IMMT: variants seen among roughly 807,000 people sequenced by gnomAD.
IMMT encodes the protein inner membrane mitochondrial protein.
IMMT carries 40 observed loss-of-function variants against 92.7 expected under a neutral mutation model. The observed-to-expected ratio is 0.43, with a 90% confidence interval of 0.34 to 0.56. IMMT has a LOEUF of 0.56. Ranked by LOEUF, IMMT falls within the 20% of genes least tolerant of loss-of-function variation. The probability of loss-of-function intolerance (pLI) is 0.03; values close to 1 mark genes in which losing one functional copy is unlikely to be tolerated. For synonymous variants in IMMT, 322 were observed against 336.1 expected (o/e 0.96, Z 0.46); for missense variants, 831 against 912.1 (o/e 0.91, Z 1.14).
Position 86,151,449 on chromosome 2 carries a change from T to C in IMMT, c.1249A>G (p.Arg417Gly). ...GTGGCCTTCTGTTCTGCCAGCTCTCTGTTCAGCTGATCAATACGACGATGT... is the reference window on the plus strand; with the variant it reads ...GTGGCCTTCTGTTCTGCCAGCTCTCCGTTCAGCTGATCAATACGACGATGT... ...HAHRRIDQLN[R>G]ELAEQKATEK... The change falls in exon 12 of 15, where the codon AGA becomes GGA. Residue 417 changes from arginine (R) to glycine (G), a missense_variant. Transcript: ENST00000410111. 6.2e-7 allele frequency: 1 copy of C among 1,614,046 alleles called. No individual in the cohort carries two copies. Among genetic ancestry groups the C allele is most frequent in the Non-Finnish European group, 8.5e-7 (1 of 1,179,896 alleles).
At chr2:86,156,061 T>C (rs957823895) in intron 10 of IMMT, among the ~76,000 whole-genome samples, 29 of 152,204 alleles carry the variant, frequency 1.9e-4, no homozygotes, top group Admixed American at 6.5e-5. Context: ...CATGGCCCTT[T>C]CTTTAGCACA....
In IMMT at chr2:86,144,118, A is replaced by C. The variant is rs528241458; in HGVS notation, c.*150T>G. ...ACTGACATGATAGCAAATGGAAAGAATATAAATGCAACAGGTGTTAACATT... is the reference window on the plus strand; with the variant it reads ...ACTGACATGATAGCAAATGGAAAGACTATAAATGCAACAGGTGTTAACATT... On this transcript the variant is annotated 3_prime_UTR_variant, in exon 15 of 15. Coordinates refer to ENST00000410111, the MANE Select transcript of IMMT (RefSeq NM_006839.3). 1.0e-5 allele frequency: 8 copies of C among 797,008 alleles called. No homozygotes were observed. The highest frequency in any genetic ancestry group is 2.7e-5 in the East Asian group (1 of 37,212). The allele number at this position is 797,008 out of a possible 1,614,324, so 49.4% of individuals were successfully genotyped here.
At position 86,146,375 on chromosome 2, in the gene IMMT, AT is replaced by A. The variant is rs34573057; in HGVS notation, c.1534-179del. On this transcript the variant is annotated intron_variant, in intron 13 of 14. Coordinates refer to ENST00000410111, the MANE Select transcript of IMMT (RefSeq NM_006839.3). The stretch of plus-strand genomic sequence containing the variant: ...GACTCATATTTGATGTATATAATAT[AT>A]TTTTTTTTTTTTTGAGATGGAATCT... 7.8e-3 allele frequency among the ~76,000 whole-genome samples: 1,051 copies of A among 135,152 alleles called. 7 individuals are homozygous for A. The highest frequency in any genetic ancestry group is 0.013 in the African/African-American group (376 of 29,354). The allele number at this position is 135,152 out of a possible 152,430, so 88.7% of individuals were successfully genotyped here.
rs376714187 is a variant in IMMT at position 86,144,677 on chromosome 2, C to T, written c.1868G>A (p.Arg623His). The T allele has an allele frequency of 2.2e-5, 36 of 1,613,824 alleles. No individual in the cohort carries two copies. Among genetic ancestry groups the T allele is most frequent in the Middle Eastern group, 1.6e-4 (1 of 6,078 alleles). ...AAGGGTCTCTTCACTGTACACCCCACGGGTCAGGGACTCTGGAGGGATAGC... is the reference window on the plus strand; with the variant it reads ...AAGGGTCTCTTCACTGTACACCCCATGGGTCAGGGACTCTGGAGGGATAGC... ...TAAIPPESLTRGVYSEETLRA... is the reference protein window; with the variant it reads ...TAAIPPESLTHGVYSEETLRA... Residue 623 changes from arginine (R) to histidine (H), a missense_variant, in exon 15 of 15, where the codon CGT becomes CAT. Coordinates refer to ENST00000410111, the MANE Select transcript of IMMT (RefSeq NM_006839.3).
chr2:86,190,835 A>G (rs970023440), intron 1 of IMMT, among the ~76,000 whole-genome samples: 4 of 152,242 alleles, frequency 2.6e-5, no homozygotes, highest in Admixed American at 2.0e-4. Flanking sequence ...TAAAAATACA[A>G]AATATTAGCT....
chr2:86,147,324 T>G (rs1185376876), intron 13 of IMMT, among the ~76,000 whole-genome samples: 1 of 152,216 alleles, frequency 6.6e-6, no homozygotes, highest in Non-Finnish European at 1.5e-5. Context: ...GAATAGAAAC[T>G]ATGATTACAG....
At chr2:86,161,916 C>A in intron 8 of IMMT, 60 bp downstream of exon 8, 1 of 1,065,296 alleles carries the variant, frequency 9.4e-7, no homozygotes, top group Non-Finnish European at 1.4e-6. Flanking sequence ...CAAAGAAAAC[C>A]CGGCCCAAAG....
intron 1 of IMMT, among the ~76,000 whole-genome samples, chr2:86,193,455 G>C (rs1207692198): frequency 6.6e-6 from 1 of 151,596 alleles, no homozygotes; most frequent in Non-Finnish European, 1.5e-5. Flanking sequence ...AAAGGATCTT[G>C]ACAAGTGAGA....
chr2:86,157,954 T>G (rs1475123819), intron 10 of IMMT, among the ~76,000 whole-genome samples: 1 of 151,986 alleles, frequency 6.6e-6, no homozygotes, highest in Non-Finnish European at 1.5e-5. Flanking sequence ...AAAATAAAAA[T>G]AAAAATAAAC....
chr2:86,151,653 TTA>T, intron 11 of IMMT, 133 bp from the exon 12 acceptor site: 1 of 689,932 alleles, frequency 1.4e-6, no homozygotes, highest in Non-Finnish European at 2.4e-6. Flanking sequence ...GAAAAGAGAT[TTA>T]GATTCCCCAG....
At chr2:86,184,905 T>C (rs1399702816) in intron 1 of IMMT, among the ~76,000 whole-genome samples, 3 of 152,210 alleles carry the variant, frequency 2.0e-5, no homozygotes, top group Non-Finnish European at 2.9e-5. Context: ...GAGTTCCAAG[T>C]AGGCCAGGCG....
intron 10 of IMMT, among the ~76,000 whole-genome samples, chr2:86,155,463 T>A (rs1455034778): frequency 6.6e-6 from 1 of 152,210 alleles, no homozygotes; most frequent in African/African-American, 2.4e-5. Context: ...TTTTCATCTA[T>A]GTAATTGGGA....
intron 13 of IMMT, 45 bp downstream of exon 13, chr2:86,147,657 C>T: frequency 6.3e-7 from 1 of 1,576,410 alleles, no homozygotes; most frequent in Non-Finnish European, 8.6e-7. Context: ...GTCTCTTAAT[C>T]CTGTCAGGAA....
In IMMT at chr2:86,144,184, C is replaced by A; in HGVS notation, c.*84G>T. On this transcript the variant is annotated 3_prime_UTR_variant, in exon 15 of 15. Coordinates refer to ENST00000410111, the MANE Select transcript of IMMT (RefSeq NM_006839.3). ...AAACCTGCTCATTTCTAGACAAGTC[C>A]GGGACTCTCGCTGCGAACCCTTCAT... is the stretch of plus-strand genomic sequence containing the variant. The A allele has an allele frequency of 6.8e-7, 1 of 1,466,608 alleles. No homozygotes were observed. Among genetic ancestry groups the A allele is most frequent in the South Asian group, 1.3e-5 (1 of 78,018 alleles). The allele number at this position is 1,466,608 out of a possible 1,614,324, so 90.8% of individuals were successfully genotyped here.
chr2:86,146,795 C>T (rs1043302534), intron 13 of IMMT, among the ~76,000 whole-genome samples: 5 of 150,304 alleles, frequency 3.3e-5, no homozygotes, highest in African/African-American at 1.2e-4. Flanking sequence ...GAATCTTGCT[C>T]TGTCATCCAG....
intron 1 of IMMT, among the ~76,000 whole-genome samples, chr2:86,187,087 T>C (rs528684086): frequency 6.6e-6 from 1 of 152,252 alleles, no homozygotes; most frequent in South Asian, 2.1e-4. Context: ...CATTTTAAAA[T>C]GTACAATTCC....
chr2:86,169,249 G>C (rs1308284650), intron 6 of IMMT, among the ~76,000 whole-genome samples: 1 of 152,030 alleles, frequency 6.6e-6, no homozygotes, highest in Non-Finnish European at 1.5e-5. Context: ...GTGATAAAGA[G>C]AGAAAAGTGA....
chr2:86,195,442 T>G lies in IMMT; in HGVS notation c.-60A>C, dbSNP rs1673479758. 1 of 1,526,946 alleles carries G rather than the reference T, an allele frequency of 6.5e-7. No homozygotes were observed. The highest frequency in any genetic ancestry group is 2.0e-5 in the Admixed American group (1 of 49,504). The allele number at this position is 1,526,946 out of a possible 1,614,324, so 94.6% of individuals were successfully genotyped here. A position where few individuals can be genotyped will look rare whatever the true frequency, so the allele number is the denominator to read the frequency against. ...AGCTGCCGCGGCGGCGCGAGTTAAG[T>G]GGAGGCGTGCTTGCGTGTGTGCGTG... is the stretch of plus-strand genomic sequence containing the variant. On this transcript the variant is annotated 5_prime_UTR_variant, in exon 1 of 15. Coordinates refer to ENST00000410111, the MANE Select transcript of IMMT (RefSeq NM_006839.3).
intron 12 of IMMT, among the ~76,000 whole-genome samples, chr2:86,150,308 C>T (rs1336705983): frequency 1.3e-5 from 2 of 152,120 alleles, no homozygotes; most frequent in African/African-American, 4.8e-5. Flanking sequence ...AGTCACGGGA[C>T]TCAACAAGAA....
Sources: allele counts gnomAD v4.1 joint callset (sites outside exome capture counted in the v4.1 genomes callset), GRCh38; gene constraint gnomAD v4.1.1; transcripts MANE v1.5; gene names NCBI Gene and HGNC (gene_info 2026-07-23, HGNC 2026-07-21).